MACF1: variants seen among roughly 807,000 people sequenced by gnomAD.
The protein encoded by MACF1 is microtubule actin crosslinking factor 1, also known as microtubule-actin cross-linking factor 1.
In MACF1, 193 loss-of-function variants were observed where a neutral mutation model predicts 854.8. The ratio of observed to expected loss-of-function variants is 0.23; its 90% CI spans 0.20 to 0.25. The LOEUF (loss-of-function observed/expected upper bound fraction) is 0.25. Ranked by LOEUF, MACF1 falls within the 10% of genes least tolerant of loss-of-function variation. MACF1 has a pLI of 1.00. For synonymous variants in MACF1, 3,185 were observed against 3,226.7 expected, an observed-to-expected ratio of 0.99 and a Z score of 0.44; for missense variants, 7,722 against 8,929.1, an observed-to-expected ratio of 0.86 and a Z score of 5.45.
intron 27 of MACF1, among the ~76,000 whole-genome samples, chr1:39,316,041 G>A (rs1646405755): frequency 6.6e-6 from 1 of 152,202 alleles, no homozygotes; most frequent in South Asian, 2.1e-4. Context: ...CTAGGTATTA[G>A]ACTTTGAAGG....
In MACF1 at chr1:39,352,949, G is replaced by C. The variant is rs186466997; in HGVS notation, c.11200-58G>C. 6.8e-5 allele frequency: 85 copies of C among 1,252,500 alleles called. 1 individual carries two copies. In the African/African-American group the frequency reaches 1.0e-3, roughly 15 times the overall value. 77.6% of individuals were successfully genotyped at this position (1,252,500 alleles called of 1,614,324 possible). ...TCCCCTTTACCCCATTACTTAACCT[G>C]TGGTTGTATGATTGAGTATGTAAAG... is the stretch of plus-strand genomic sequence containing the variant. On this transcript the variant is annotated intron_variant, in intron 43 of 100. Transcript: ENST00000564288.
intron 58 of MACF1, among the ~76,000 whole-genome samples, chr1:39,395,156 T>C (rs776768630): frequency 2.0e-5 from 3 of 152,182 alleles, no homozygotes; most frequent in Non-Finnish European, 4.4e-5. Flanking sequence ...TTCTTTGTTG[T>C]GAGAAGCTGT....
intron 95 of MACF1, 25 bp downstream of exon 95, chr1:39,465,137 CCTT>C: frequency 6.2e-7 from 1 of 1,608,156 alleles, no homozygotes. Context: ...GCAATGTTCT[CCTT>C]CTCAATGGAT....
At position 39,334,851 on chromosome 1, in the gene MACF1, C is replaced by G; in HGVS notation, c.8263C>G (p.Leu2755Val). The change falls in exon 37 of 101, where the codon CTG becomes GTG. Residue 2755 changes from leucine (L) to valine (V), a missense_variant. By Grantham distance (32) the Leu-to-Val change is conservative. This residue lies in a region of MACF1 where 1,531 missense variants were observed against 1,601.6 expected (regional missense o/e 0.96). Transcript: ENST00000564288. ...TGAGAAAAGACTGATCAGCCCTGAA[C>G]TGGCAAATATGATCCAAATAGATAG... ...AIEKRLISPE[L>V]ANMIQIDSSE... The G allele has an allele frequency of 6.2e-7, 1 of 1,614,158 alleles. No individual in the cohort carries two copies. The highest frequency in any genetic ancestry group is 1.7e-5 in the Admixed American group (1 of 60,026).
chr1:39,381,625 G>A (rs576484947), intron 55 of MACF1, among the ~76,000 whole-genome samples: 4 of 152,148 alleles, frequency 2.6e-5, no homozygotes, highest in South Asian at 2.1e-4. Flanking sequence ...CACTTGAGGA[G>A]TTCAAGAACA....
At chr1:39,276,705 A>G (rs1645444560) in intron 6 of MACF1, among the ~76,000 whole-genome samples, 2 of 152,100 alleles carry the variant, frequency 1.3e-5, no homozygotes, top group South Asian at 4.1e-4. Context: ...TACTATAATT[A>G]TTGGTCGTTT....
At chr1:39,252,872 A>G (rs1645057246) in intron 4 of MACF1, among the ~76,000 whole-genome samples, 3 of 152,200 alleles carry the variant, frequency 2.0e-5, no homozygotes, top group Admixed American at 1.3e-4. Context: ...GTTGCTTAGA[A>G]GTGTTGGAGA....
chr1:39,472,400 C>A (rs1644795290), intron 97 of MACF1, among the ~76,000 whole-genome samples: 1 of 152,002 alleles, frequency 6.6e-6, no homozygotes, highest in African/African-American at 2.4e-5. Flanking sequence ...TCACAGCTTC[C>A]AACTGTTTAT....
At chr1:39,419,447 T>C (rs1302603268) in intron 58 of MACF1, among the ~76,000 whole-genome samples, 1 of 152,314 alleles carries the variant, frequency 6.6e-6, no homozygotes, top group East Asian at 1.9e-4. Context: ...GAAATGCTCA[T>C]TGGAGCATTT....
At chr1:39,300,130 G>T in intron 21 of MACF1, 80 bp from the exon 22 acceptor site, 1 of 1,395,384 alleles carries the variant, frequency 7.2e-7, no homozygotes, top group African/African-American at 1.4e-5. Flanking sequence ...TGAGGGAGTG[G>T]AGTATTCAGT....
At chr1:39,453,602 A>T in intron 87 of MACF1, 105 bp from the exon 88 acceptor site, 1 of 984,858 alleles carries the variant, frequency 1.0e-6, no homozygotes. Context: ...GCGTTAACAC[A>T]TGGAGGAAAA....
At chr1:39,378,075 T>C (rs1343858646) in intron 52 of MACF1, among the ~76,000 whole-genome samples, 2 of 152,162 alleles carry the variant, frequency 1.3e-5, no homozygotes, top group African/African-American at 2.4e-5. Context: ...TTGAAAGATA[T>C]TGATATAAAA....
At chr1:39,289,877 T>A (rs1213279647) in intron 15 of MACF1, among the ~76,000 whole-genome samples, 1 of 151,698 alleles carries the variant, frequency 6.6e-6, no homozygotes. Flanking sequence ...AATTTTGTAT[T>A]TTTAGTAGAG....
chr1:39,339,176 G>T (rs1646883013), intron 38 of MACF1, among the ~76,000 whole-genome samples: 2 of 152,088 alleles, frequency 1.3e-5, no homozygotes, highest in South Asian at 4.2e-4. Context: ...ATTTGCCTGA[G>T]CCCAGGAGTT....
At chr1:39,141,597 A>G (rs1489976788) in intron 2 of MACF1, among the ~76,000 whole-genome samples, 1 of 152,238 alleles carries the variant, frequency 6.6e-6, no homozygotes, top group Middle Eastern at 3.2e-3. Flanking sequence ...TAACATGTAA[A>G]GTGCTTAAAA....
intron 63 of MACF1, among the ~76,000 whole-genome samples, chr1:39,428,622 ACAAAAC>A (rs1326591709): frequency 6.6e-6 from 1 of 152,230 alleles, no homozygotes; most frequent in East Asian, 1.9e-4. Context: ...ATGTGCTTTA[ACAAAAC>A]CAGATCTATC....
chr1:39,312,023 G>A (rs1020609924), intron 26 of MACF1, among the ~76,000 whole-genome samples: 7 of 152,192 alleles, frequency 4.6e-5, no homozygotes, highest in Admixed American at 4.6e-4. Flanking sequence ...GAATTCTCAT[G>A]TGGAAGCTTT....
chr1:39,086,785 C>G lies in MACF1; in HGVS notation c.220+2347C>G, dbSNP rs374441908. ...AAGGCTCCTAAGGACCCTGCTGGGT[C>G]AACTGAGCAAAGGGATGGTGGGTGC... is the stretch of plus-strand genomic sequence containing the variant. On this transcript the variant is annotated intron_variant, in intron 2 of 93. Transcript: ENST00000361689. Among the ~76,000 whole-genome samples the G allele has an allele frequency of 4.6e-5, 7 of 152,310 alleles. No homozygotes were observed. In the East Asian group the frequency reaches 7.7e-4, roughly 17 times the overall value.
chr1:39,193,905 A>G (rs1167766968), intron 2 of MACF1, among the ~76,000 whole-genome samples: 3 of 151,790 alleles, frequency 2.0e-5, no homozygotes, highest in Non-Finnish European at 4.4e-5. Context: ...GTGCAGTGGC[A>G]TGATCTCAGC....
Sources: allele counts gnomAD v4.1 joint callset (sites outside exome capture counted in the v4.1 genomes callset), GRCh38; gene constraint gnomAD v4.1.1; regional missense constraint gnomAD v4.1.1; transcripts MANE v1.5; gene names NCBI Gene and HGNC (gene_info 2026-07-23, HGNC 2026-07-21).